LNX1: variants seen among roughly 807,000 people sequenced by gnomAD.
LNX1 encodes the protein E3 ubiquitin-protein ligase LNX.
Under a neutral mutation model 68.4 loss-of-function variants are expected in LNX1, and 54 were observed. The observed-to-expected ratio is 0.79, with a 90% CI of 0.63 to 0.99. The LOEUF is 0.99. Ranked by LOEUF, LNX1 falls within the 50% of genes least tolerant of loss-of-function variation. The pLI is 0.00. For synonymous variants in LNX1, 336 were observed against 350.0 expected, an observed-to-expected ratio of 0.96 and a Z score of 0.45; for missense variants, 906 against 926.4, an observed-to-expected ratio of 0.98 and a Z score of 0.29.
intron 1 of LNX1, among the ~76,000 whole-genome samples, chr4:53,622,607 C>T (rs1416824628): frequency 6.6e-6 from 1 of 152,098 alleles, no homozygotes; most frequent in Non-Finnish European, 1.5e-5. Flanking sequence ...TAAAAAACGC[C>T]AAATCCTCTT....
chr4:53,598,324 C>A (rs1425584402), intron 2 of LNX1, among the ~76,000 whole-genome samples: 2 of 151,888 alleles, frequency 1.3e-5, no homozygotes, highest in Non-Finnish European at 2.9e-5. Flanking sequence ...CCTTGACCTC[C>A]TTATGATTAA....
chr4:53,544,205 T>TC (rs1491141852), intron 2 of LNX1, among the ~76,000 whole-genome samples: 1 of 148,342 alleles, frequency 6.7e-6, no homozygotes, highest in Non-Finnish European at 1.5e-5. Context: ...TCTCTCTCTC[T>TC]TTTTTTTTTG....
rs59366709 is a variant in LNX1 at position 53,625,844 on chromosome 4, CGTGT to C, written c.-215+26320_-215+26323del. Among the ~76,000 whole-genome samples, 1,366 of 144,234 alleles carry C rather than the reference CGTGT, an allele frequency of 9.5e-3. 13 individuals carry two copies. Among genetic ancestry groups the C allele is most frequent in the Admixed American group, 0.011 (160 of 14,568 alleles). 94.6% of individuals were successfully genotyped at this position (144,234 alleles called of 152,430 possible). A position where few individuals can be genotyped will look rare whatever the true frequency, so the allele number is the denominator to read the frequency against. On this transcript the variant is annotated intron_variant, in intron 1 of 2. Transcript: ENST00000507168. ...ACCATATGACCCAGCAATTCCACCC[CGTGT>C]GTGTGTGTGTGTGTGTGTGTGTGTG...
intron 2 of LNX1, among the ~76,000 whole-genome samples, chr4:53,526,093 G>C (rs1455306514): frequency 8.1e-6 from 1 of 122,928 alleles, no homozygotes; most frequent in Non-Finnish European, 1.7e-5. Flanking sequence ...GTATGTTTTG[G>C]GCACTTTCTA....
chr4:53,624,624 C>T (rs1734007244), intron 1 of LNX1, among the ~76,000 whole-genome samples: 1 of 152,170 alleles, frequency 6.6e-6, no homozygotes, highest in Non-Finnish European at 1.5e-5. Context: ...TCATGGCCCT[C>T]ACTGCCTACC....
intron 2 of LNX1, among the ~76,000 whole-genome samples, chr4:53,544,203 TC>T (rs199598971): frequency 7.9e-5 from 12 of 151,010 alleles, no homozygotes; most frequent in African/African-American, 2.7e-4. Flanking sequence ...TCTCTCTCTC[TC>T]TTTTTTTTTT....
At chr4:53,649,021 C>T (rs571350207) in intron 1 of LNX1, among the ~76,000 whole-genome samples, 10 of 152,070 alleles carry the variant, frequency 6.6e-5, no homozygotes, top group South Asian at 2.1e-4. Flanking sequence ...GAGGCTGAAA[C>T]GATAAAAAAA....
At chr4:53,566,798 A>C (rs1279891975) in intron 2 of LNX1, among the ~76,000 whole-genome samples, 1 of 149,770 alleles carries the variant, frequency 6.7e-6, no homozygotes, top group African/African-American at 2.4e-5. Flanking sequence ...AAAAGGATGG[A>C]GGAAGATCTA....
intron 6 of LNX1, 41 bp downstream of exon 6, chr4:53,495,982 C>T (rs934947627): frequency 1.2e-5 from 19 of 1,581,908 alleles, no homozygotes; most frequent in African/African-American, 9.4e-5. Flanking sequence ...TGCTCATGTC[C>T]GGGGTTTCTG....
chr4:53,551,114 G>T (rs561210660), intron 2 of LNX1, among the ~76,000 whole-genome samples: 1 of 151,564 alleles, frequency 6.6e-6, no homozygotes, highest in East Asian at 2.0e-4. Context: ...CTAAGAGCTT[G>T]GTGTGTTCTG....
chr4:53,617,451 G>A (rs1733720854), exon 1 of LNX1: 1 of 152,170 alleles, frequency 6.6e-6, no homozygotes, highest in Non-Finnish European at 1.5e-5. Flanking sequence ...CTTCTCAAGA[G>A]GCTTAGAAAC....
chr4:53,632,293 G>T (rs1251100130), intron 1 of LNX1, among the ~76,000 whole-genome samples: 1 of 152,134 alleles, frequency 6.6e-6, no homozygotes, highest in African/African-American at 2.4e-5. Flanking sequence ...CTCTCACAGT[G>T]GGAAGCTGAC....
chr4:53,590,326 C>T (rs1347131914), intron 1 of LNX1, among the ~76,000 whole-genome samples: 1 of 152,136 alleles, frequency 6.6e-6, no homozygotes, highest in Non-Finnish European at 1.5e-5. Context: ...ACAGATTATT[C>T]CCTTGCAAAC....
chr4:53,474,450 G>A lies in LNX1; in HGVS notation c.1892+2303C>T, dbSNP rs6841853. Reference sequence around the variant, plus strand: ...AATGAGTAATTGCCACAGAGACTGCGTGGCCCTCAAAGCCTAAACTATCAG... The same window carrying A: ...AATGAGTAATTGCCACAGAGACTGCATGGCCCTCAAAGCCTAAACTATCAG... On this transcript the variant is annotated intron_variant, in intron 9 of 10. Transcript: ENST00000263925. 4.2e-3 allele frequency among the ~76,000 whole-genome samples: 642 copies of A among 152,236 alleles called. 6 individuals carry two copies. The highest frequency in any genetic ancestry group is 0.014 in the African/African-American group (602 of 41,544).
chr4:53,507,111 T>G (rs1256444403), intron 4 of LNX1, among the ~76,000 whole-genome samples: 1 of 152,188 alleles, frequency 6.6e-6, no homozygotes, highest in Non-Finnish European at 1.5e-5. Flanking sequence ...TTTCAACACT[T>G]TTTTCTTCAA....
At chr4:53,569,389 C>G (rs1730966905) in intron 2 of LNX1, among the ~76,000 whole-genome samples, 1 of 132,098 alleles carries the variant, frequency 7.6e-6, no homozygotes, top group Non-Finnish European at 1.6e-5. Flanking sequence ...CTTTGACAAA[C>G]CTGAGAAAAA....
chr4:53,650,487 G>C (rs1165905268), intron 1 of LNX1, among the ~76,000 whole-genome samples: 1 of 152,136 alleles, frequency 6.6e-6, no homozygotes, highest in African/African-American at 2.4e-5. Context: ...TGTCAGAGAA[G>C]GGAGTTACAA....
At chr4:53,468,546 G>A (rs1354288011) in intron 9 of LNX1, among the ~76,000 whole-genome samples, 4 of 152,110 alleles carry the variant, frequency 2.6e-5, no homozygotes, top group Admixed American at 6.5e-5. Context: ...ACACAGACTG[G>A]CAAACTGGAT....
intron 1 of LNX1, among the ~76,000 whole-genome samples, chr4:53,637,790 A>T (rs1224963035): frequency 6.6e-6 from 1 of 152,212 alleles, no homozygotes; most frequent in Non-Finnish European, 1.5e-5. Context: ...TGAAATATGG[A>T]CTTTCCCTTT....
Sources: allele counts gnomAD v4.1 joint callset (sites outside exome capture counted in the v4.1 genomes callset), GRCh38; gene constraint gnomAD v4.1.1; transcripts MANE v1.5; gene names NCBI Gene and HGNC (gene_info 2026-07-23, HGNC 2026-07-21).